SLX4IP: variants seen among roughly 807,000 people sequenced by gnomAD.
The protein encoded by SLX4IP is protein SLX4IP.
A neutral mutation model predicts 32.9 loss-of-function variants in SLX4IP; 34 were observed. The ratio of observed to expected loss-of-function variants is 1.03; its 90% CI spans 0.79 to 1.38. SLX4IP has a LOEUF of 1.38. Ranked by LOEUF, SLX4IP falls within the 40% of genes most tolerant of loss-of-function variation. The pLI is 0.00. For missense variants in SLX4IP, 444 were observed against 479.0 expected, an observed-to-expected ratio of 0.93 and a Z score of 0.68; for synonymous variants, 172 against 171.7, an observed-to-expected ratio of 1.00 and a Z score of -0.01.
chr20:10,606,567 G>C (rs2066908700), intron 6 of SLX4IP, among the ~76,000 whole-genome samples: 2 of 152,186 alleles, frequency 1.3e-5, no homozygotes, highest in Admixed American at 1.3e-4. Context: ...TGAGTAGAGA[G>C]AGGCTGTTTT....
intron 4 of SLX4IP, among the ~76,000 whole-genome samples, chr20:10,573,905 A>G (rs1167029037): frequency 6.6e-6 from 1 of 152,272 alleles, no homozygotes; most frequent in Non-Finnish European, 1.5e-5. Flanking sequence ...GGCAATAATG[A>G]GAAAGCAAAT....
intron 2 of SLX4IP, among the ~76,000 whole-genome samples, chr20:10,486,863 G>A (rs7271789): frequency 0.065 from 9,867 of 151,428 alleles, 978 homozygotes; most frequent in African/African-American, 0.21. Flanking sequence ...AAGGATTCTA[G>A]CCTGAAAGAA....
At chr20:10,552,757 T>C (rs1251835457) in intron 2 of SLX4IP, among the ~76,000 whole-genome samples, 1 of 152,104 alleles carries the variant, frequency 6.6e-6, no homozygotes, top group Non-Finnish European at 1.5e-5. Flanking sequence ...TACTATTAGG[T>C]TAATTCTTCA....
rs957154290 is a variant in SLX4IP at position 10,560,738 on chromosome 20, A to G, written c.156A>G (p.Arg52=). ...TGTTAAAAGAAACCATTGATTCAAG[A>G]GTTCAGGAGTACTTGGAAGTTCGCA... ...CLLLKETIDS[R]VQEYLEVRKQ... Residue 52 remains arginine, a synonymous_variant, in exon 4 of 8, where the codon AGA becomes AGG. Transcript: ENST00000334534. The G allele has an allele frequency of 6.2e-7, 1 of 1,600,106 alleles. No homozygotes were observed. The highest frequency in any genetic ancestry group is 8.5e-7 in the Non-Finnish European group (1 of 1,173,148).
At chr20:10,548,142 C>T (rs2066181828) in intron 2 of SLX4IP, among the ~76,000 whole-genome samples, 1 of 152,182 alleles carries the variant, frequency 6.6e-6, no homozygotes, top group African/African-American at 2.4e-5. Context: ...GGTGGTTCAA[C>T]GCCTCCTAAA....
chr20:10,518,472 CTTTTCCTTTCCTTTCCTTTT>C (rs2065874462), intron 2 of SLX4IP, among the ~76,000 whole-genome samples: 1 of 67,954 alleles, frequency 1.5e-5, no homozygotes, highest in Non-Finnish European at 3.7e-5. Flanking sequence ...CCTTTCCTTT[CTTTTCCTTTCCTTTCCTTTT>C]CCTTCCTTCC....
Position 10,458,232 on chromosome 20 carries a change from G to C in SLX4IP, c.27+1G>C. 1 of 1,586,836 alleles carries C rather than the reference G, an allele frequency of 6.3e-7. No homozygotes were observed. Among genetic ancestry groups the C allele is most frequent in the South Asian group, 1.2e-5 (1 of 85,458 alleles). ...GGCATCTAAGAAATTTGCTGTTAAA[G>C]TAAGTAATGTTTAATAGCTTTTTAA... is the stretch of plus-strand genomic sequence containing the variant. On this transcript the variant is annotated splice_donor_variant, in intron 2 of 7. Coordinates refer to ENST00000334534, the MANE Select transcript of SLX4IP (RefSeq NM_001009608.3). LOFTEE classifies it high-confidence loss of function.
intron 6 of SLX4IP, among the ~76,000 whole-genome samples, chr20:10,604,089 T>C (rs1053021246): frequency 6.6e-6 from 1 of 152,218 alleles, no homozygotes; most frequent in African/African-American, 2.4e-5. Context: ...TTCCCTGGAC[T>C]TGCTTCAAGC....
At chr20:10,437,924 C>G (rs2065128282) in intron 1 of SLX4IP, among the ~76,000 whole-genome samples, 1 of 152,208 alleles carries the variant, frequency 6.6e-6, no homozygotes. Context: ...GATCAGATAA[C>G]TTATCCCTTC....
intron 2 of SLX4IP, among the ~76,000 whole-genome samples, chr20:10,531,903 A>G (rs1168387413): frequency 3.3e-5 from 5 of 152,228 alleles, no homozygotes; most frequent in African/African-American, 1.2e-4. Context: ...TTCCCTGCAC[A>G]TGTATGCTGT....
chr20:10,485,451 A>G (rs2065563660), intron 2 of SLX4IP, among the ~76,000 whole-genome samples: 1 of 152,042 alleles, frequency 6.6e-6, no homozygotes, highest in South Asian at 2.1e-4. Flanking sequence ...CACTGTCTCT[A>G]CTAAAAAAAC....
At chr20:10,576,765 A>G (rs1378836316) in intron 4 of SLX4IP, among the ~76,000 whole-genome samples, 1 of 152,192 alleles carries the variant, frequency 6.6e-6, no homozygotes, top group Non-Finnish European at 1.5e-5. Context: ...ATAAGTATAT[A>G]CCCACAATAT....
chr20:10,474,762 TAATCGGGGCTGCTG>T (rs1229727600), intron 2 of SLX4IP, among the ~76,000 whole-genome samples: 1 of 152,244 alleles, frequency 6.6e-6, no homozygotes, highest in Non-Finnish European at 1.5e-5. Context: ...TTATTCCATC[TAATCGGGGCTGCTG>T]AATCAGAGGT....
intron 2 of SLX4IP, among the ~76,000 whole-genome samples, chr20:10,554,117 C>T (rs1172708930): frequency 6.6e-6 from 1 of 152,256 alleles, no homozygotes; most frequent in East Asian, 1.9e-4. Context: ...CAGTTCTCAC[C>T]CAGTTTTTTA....
intron 6 of SLX4IP, among the ~76,000 whole-genome samples, chr20:10,620,261 G>T (rs2067092246): frequency 6.6e-6 from 1 of 152,206 alleles, no homozygotes; most frequent in Non-Finnish European, 1.5e-5. Flanking sequence ...TTAACACCTT[G>T]TATGGATTAT....
intron 3 of SLX4IP, among the ~76,000 whole-genome samples, chr20:10,558,797 GAGA>G (rs574629335): frequency 6.8e-4 from 104 of 152,254 alleles, no homozygotes; most frequent in African/African-American, 2.5e-3. Flanking sequence ...AAAGGTAGCT[GAGA>G]AGTTTTCTTT....
intron 2 of SLX4IP, among the ~76,000 whole-genome samples, chr20:10,486,569 GTGAACATGCGTATTTAAA>G (rs1403987656): frequency 2.6e-5 from 4 of 152,108 alleles, no homozygotes; most frequent in Admixed American, 6.5e-5. Flanking sequence ...AAATACGCAT[GTGAACATGCGTATTTAAA>G]TCATAGGTTG....
At chr20:10,537,087 G>A (rs1275715048) in intron 2 of SLX4IP, among the ~76,000 whole-genome samples, 3 of 152,114 alleles carry the variant, frequency 2.0e-5, no homozygotes, top group Non-Finnish European at 4.4e-5. Context: ...AGAGGCCTGG[G>A]ATAAACAATT....
chr20:10,462,898 A>C (rs1180087255), intron 2 of SLX4IP, among the ~76,000 whole-genome samples: 1 of 152,244 alleles, frequency 6.6e-6, no homozygotes, highest in Non-Finnish European at 1.5e-5. Context: ...TTATGTGCAC[A>C]CAAGTGCATG....
Sources: allele counts gnomAD v4.1 joint callset (sites outside exome capture counted in the v4.1 genomes callset), GRCh38; gene constraint gnomAD v4.1.1; transcripts MANE v1.5; gene names NCBI Gene and HGNC (gene_info 2026-07-23, HGNC 2026-07-21).